STAM2: variants seen among roughly 807,000 people sequenced by gnomAD.
STAM2 encodes the protein signal transducing adapter molecule 2.
In STAM2, 51 loss-of-function variants were observed where a neutral mutation model predicts 65.6. The ratio of observed to expected loss-of-function variants is 0.78; its 90% CI spans 0.62 to 0.98. STAM2 has a LOEUF of 0.98. STAM2 is among the 50% of genes least tolerant of loss of function. The pLI is 0.00. For missense variants in STAM2, 584 were observed against 617.8 expected (o/e 0.95, Z 0.58); for synonymous variants, 198 against 208.4 (o/e 0.95, Z 0.43).
At chr2:152,130,838 A>G (rs1238202963) in intron 11 of STAM2, among the ~76,000 whole-genome samples, 1 of 151,698 alleles carries the variant, frequency 6.6e-6, no homozygotes, top group Non-Finnish European at 1.5e-5. Flanking sequence ...TTCTACTAAA[A>G]ATACAAAAAT....
rs886958061 is a variant in STAM2 at position 152,132,202 on chromosome 2, C to G, written c.971-34G>C. The G allele has an allele frequency of 3.8e-6, 6 of 1,558,686 alleles. No individual in the cohort carries two copies. The Admixed American group carries it at 6.8e-5, about 18-fold the overall frequency. ...ACAAAAATACTTACAAATATAGAAA[C>G]TTAATCCAGTTTAAGCCAATTTCAA... On this transcript the variant is annotated intron_variant, in intron 10 of 13. Coordinates refer to ENST00000263904, the MANE Select transcript of STAM2 (RefSeq NM_005843.6).
At chr2:152,158,607 T>C (rs1412418200) in intron 1 of STAM2, among the ~76,000 whole-genome samples, 2 of 152,232 alleles carry the variant, frequency 1.3e-5, no homozygotes, top group African/African-American at 4.8e-5. Context: ...ATTAATACCT[T>C]TGGACATGAC....
chr2:152,159,713 CTCTCCCTCTCCCTCTCCCCACAG>C (rs1452009135), intron 1 of STAM2, among the ~76,000 whole-genome samples: 33 of 152,052 alleles, frequency 2.2e-4, no homozygotes, highest in African/African-American at 7.7e-4. Flanking sequence ...GGATTGCTCC[CTCTCCCTCTCCCTCTCCCCACAG>C]TCTCCCTCTC....
chr2:152,147,002 T>C (rs1689346672), intron 5 of STAM2, among the ~76,000 whole-genome samples, 160 bp downstream of exon 5: 1 of 152,188 alleles, frequency 6.6e-6, no homozygotes, highest in Non-Finnish European at 1.5e-5. Context: ...ACATAAAAAC[T>C]AGAATGTCTA....
At chr2:152,159,848 C>A (rs890649502) in intron 1 of STAM2, among the ~76,000 whole-genome samples, 97 of 152,406 alleles carry the variant, frequency 6.4e-4, no homozygotes, top group Non-Finnish European at 9.3e-4. Context: ...CCTGCCTCAG[C>A]CTGCCCAGTG....
rs1229592071 is a variant in STAM2 at position 152,117,103 on chromosome 2, C to T, written c.*3471G>A. On this transcript the variant is annotated 3_prime_UTR_variant, in exon 14 of 14. Transcript: ENST00000263904. ...ACTATATCACACAAGCAACATAATG[C>T]CTCTTTTGACACAGTAAGATTTTAA... 2.0e-5 allele frequency: 3 copies of T among 152,076 alleles called. No homozygotes were observed. The highest frequency in any genetic ancestry group is 4.4e-5 in the Non-Finnish European group (3 of 68,030). 9.4% of individuals were successfully genotyped at this position (152,076 alleles called of 1,614,324 possible).
chr2:152,135,876 G>C (rs181454501), intron 7 of STAM2, among the ~76,000 whole-genome samples: 1 of 152,210 alleles, frequency 6.6e-6, no homozygotes, highest in East Asian at 1.9e-4. Flanking sequence ...GATCACCAGA[G>C]GTCAGGAGTT....
chr2:152,138,451 C>T (rs529896353), intron 7 of STAM2, among the ~76,000 whole-genome samples: 2 of 152,200 alleles, frequency 1.3e-5, no homozygotes, highest in African/African-American at 4.8e-5. Context: ...ATCCAACAAC[C>T]TTTATGAACT....
chr2:152,163,487 T>G (rs75424445), intron 1 of STAM2, among the ~76,000 whole-genome samples: 77 of 152,312 alleles, frequency 5.1e-4, no homozygotes, highest in African/African-American at 1.6e-3. Flanking sequence ...GTTTGAATAA[T>G]AAATCTGATT....
At chr2:152,146,193 C>G (rs900999469) in intron 5 of STAM2, among the ~76,000 whole-genome samples, 1 of 150,684 alleles carries the variant, frequency 6.6e-6, no homozygotes, top group African/African-American at 2.5e-5. Flanking sequence ...ATTGCTTAAA[C>G]CCGGGAGACA....
At position 152,126,237 on chromosome 2, in the gene STAM2, C is replaced by T. The variant is rs768892544; in HGVS notation, c.1168G>A (p.Val390Ile). 15 of 1,590,458 alleles carry T rather than the reference C, an allele frequency of 9.4e-6. No individual in the cohort carries two copies. The South Asian group carries it at 1.6e-4, about 17-fold the overall frequency. Residue 390 changes from valine to isoleucine, a missense_variant, in exon 12 of 14, where the codon GTT becomes ATT. Coordinates refer to ENST00000263904, the MANE Select transcript of STAM2 (RefSeq NM_005843.6). ...PAHYPPASSG[V>I]PMQTYPVQSH... ...AAAAACATGCTCACCTGCATTGGAA[C>T]CCCAGATGATGCAGGTGGGTAATGT... is the stretch of plus-strand genomic sequence containing the variant.
In STAM2 at chr2:152,127,437, G is replaced by GT. The variant is rs1351312166; in HGVS notation, c.1026-1059dup. On this transcript the variant is annotated intron_variant, in intron 11 of 13. Coordinates refer to ENST00000263904, the MANE Select transcript of STAM2 (RefSeq NM_005843.6). ...ATTAAAAAGAAAATTCTCAATTTGGGTAAGAATCTGGGCCTTAATTAAAAA... is the reference window on the plus strand; with the variant it reads ...ATTAAAAAGAAAATTCTCAATTTGGGTTAAGAATCTGGGCCTTAATTAAAAA... 3.9e-5 allele frequency among the ~76,000 whole-genome samples: 6 copies of GT among 151,926 alleles called. No individual in the cohort carries two copies. The South Asian group carries it at 6.2e-4, about 16-fold the overall frequency.
chr2:152,147,874 TAAAA>T, intron 4 of STAM2, 146 bp downstream of exon 4: 1 of 664,614 alleles, frequency 1.5e-6, no homozygotes, highest in Non-Finnish European at 2.5e-6. Flanking sequence ...TGCTACACAT[TAAAA>T]AATCAAATTT....
chr2:152,129,583 T>A (rs1689021012), intron 11 of STAM2, among the ~76,000 whole-genome samples: 1 of 152,250 alleles, frequency 6.6e-6, no homozygotes, highest in African/African-American at 2.4e-5. Context: ...GGGATAATTA[T>A]CAAGGACAAT....
intron 4 of STAM2, among the ~76,000 whole-genome samples, chr2:152,147,577 TCC>T (rs1689358470): frequency 6.6e-6 from 1 of 152,202 alleles, no homozygotes; most frequent in Non-Finnish European, 1.5e-5. Context: ...GATTATTTCC[TCC>T]ATGTTTCGGA....
At chr2:152,163,250 C>CA (rs1387938919) in intron 1 of STAM2, among the ~76,000 whole-genome samples, 6 of 152,200 alleles carry the variant, frequency 3.9e-5, no homozygotes, top group African/African-American at 1.4e-4. Flanking sequence ...TATCAGCTCC[C>CA]AAAATTAATA....
Position 152,116,828 on chromosome 2 carries a change from A to G in STAM2, c.*3746T>C, listed in dbSNP as rs963496346. 31 of 152,252 alleles carry G rather than the reference A, an allele frequency of 2.0e-4. No homozygotes were observed. Among genetic ancestry groups the G allele is most frequent in the African/African-American group, 7.0e-4 (29 of 41,472 alleles). 9.4% of individuals were successfully genotyped at this position (152,252 alleles called of 1,614,324 possible). A position where few individuals can be genotyped will look rare whatever the true frequency, so the allele number is the denominator to read the frequency against. On this transcript the variant is annotated 3_prime_UTR_variant, in exon 14 of 14. Coordinates refer to ENST00000263904, the MANE Select transcript of STAM2 (RefSeq NM_005843.6). ...CATTTTAAATAACTTTTATTAGAGT[A>G]TATTGTTACAACTCTTTCATCTTAT... is the stretch of plus-strand genomic sequence containing the variant.
chr2:152,130,825 CA>C (rs1325357286), intron 11 of STAM2, among the ~76,000 whole-genome samples: 2 of 150,764 alleles, frequency 1.3e-5, no homozygotes, highest in Non-Finnish European at 3.0e-5. Context: ...GGTGAAACCA[CA>C]TTTCTACTAA....
At position 152,122,074 on chromosome 2, in the gene STAM2, A is replaced by ATGTGTGTG. The variant is rs1255769897; in HGVS notation, c.1350-1273_1350-1272insCACACACA. On this transcript the variant is annotated intron_variant, in intron 13 of 13. Coordinates refer to ENST00000263904, the MANE Select transcript of STAM2 (RefSeq NM_005843.6). The stretch of plus-strand genomic sequence containing the variant: ...AAAAAAAAAATATATATATATATAT[A>ATGTGTGTG]TATGTGTGTGTGTGTGTGTGTGTGT... Among the ~76,000 whole-genome samples the ATGTGTGTG allele has an allele frequency of 6.2e-3, 835 of 135,580 alleles. 2 individuals carry two copies. Among genetic ancestry groups the ATGTGTGTG allele is most frequent in the Non-Finnish European group, 7.5e-3 (484 of 64,132 alleles). The allele number at this position is 135,580 out of a possible 152,430, so 88.9% of individuals were successfully genotyped here.
Sources: allele counts gnomAD v4.1 joint callset (sites outside exome capture counted in the v4.1 genomes callset), GRCh38; gene constraint gnomAD v4.1.1; transcripts MANE v1.5; gene names NCBI Gene and HGNC (gene_info 2026-07-23, HGNC 2026-07-21).